Variants in TDG observed in about 807,000 individuals in gnomAD.
TDG encodes the protein G/T mismatch-specific thymine DNA glycosylase.
TDG carries 23 observed loss-of-function variants against 46.1 expected under a neutral mutation model. That is an observed-to-expected ratio of 0.50 (90% CI 0.36 to 0.71). The LOEUF is 0.71. TDG is among the 30% of genes least tolerant of loss of function. TDG has a pLI of 0.00. For synonymous variants in TDG, 115 were observed against 161.3 expected (o/e 0.71, Z 2.18); for missense variants, 304 against 486.7 (o/e 0.62, Z 3.53).
chr12:103,978,246 G>T lies in TDG; in HGVS notation c.166+1186G>T, dbSNP rs117833350. 5.3e-4 allele frequency among the ~76,000 whole-genome samples: 81 copies of T among 152,116 alleles called. No homozygotes were observed. The South Asian group carries it at 1.0e-2, about 19-fold the overall frequency. ...ATGGCTAATGGGTTTCATGTGTTTG[G>T]GGGGAGCATGGCAGGATAGTGGGGG... On this transcript the variant is annotated intron_variant, in intron 2 of 9. Transcript: ENST00000392872.
intron 1 of TDG, among the ~76,000 whole-genome samples, chr12:103,975,394 A>G (rs1000610279): frequency 6.6e-6 from 1 of 152,186 alleles, no homozygotes; most frequent in African/African-American, 2.4e-5. Flanking sequence ...TCAGAATGCC[A>G]TAGACTGGGC....
At chr12:103,985,202 C>CACAT (rs1566184404) in intron 8 of TDG, among the ~76,000 whole-genome samples, 2 of 136,142 alleles carry the variant, frequency 1.5e-5, no homozygotes, top group Non-Finnish European at 3.3e-5. Flanking sequence ...CACACACACA[C>CACAT]ACACACATTA....
chr12:103,979,251 C>T (rs181878636), intron 2 of TDG, among the ~76,000 whole-genome samples: 140 of 151,850 alleles, frequency 9.2e-4, no homozygotes, highest in African/African-American at 3.4e-3. Flanking sequence ...TACAGGTGCA[C>T]GACACCATGC....
At chr12:103,968,406 GT>G (rs1871154876) in intron 1 of TDG, among the ~76,000 whole-genome samples, 1 of 152,180 alleles carries the variant, frequency 6.6e-6, no homozygotes, top group Admixed American at 6.5e-5. Flanking sequence ...GACTGTTTTG[GT>G]TAGATGTTGA....
chr12:103,972,866 ACCT>A, intron 1 of TDG: 1 of 473,490 alleles, frequency 2.1e-6, no homozygotes, highest in South Asian at 3.9e-5. Flanking sequence ...ATGATTAATG[ACCT>A]CCGACTATAC....
At chr12:103,973,074 C>CA (rs1871353878) in intron 1 of TDG, 1 of 645,066 alleles carries the variant, frequency 1.6e-6, no homozygotes, top group South Asian at 1.6e-5. Context: ...AGAGTAAAAA[C>CA]ACGTTTCATA....
At position 103,970,631 on chromosome 12, in the gene TDG, T is replaced by G. The variant is rs550540707; in HGVS notation, c.23+4571T>G. On this transcript the variant is annotated intron_variant, in intron 1 of 9. Coordinates refer to ENST00000392872, the MANE Select transcript of TDG (RefSeq NM_003211.6). Reference sequence around the variant, plus strand: ...GCATGGTGGTGTGTGCCTGTAGTCCTAGCTACTCAGGAGGCTGAGGCAGGA... The same window carrying G: ...GCATGGTGGTGTGTGCCTGTAGTCCGAGCTACTCAGGAGGCTGAGGCAGGA... 3.3e-5 allele frequency among the ~76,000 whole-genome samples: 5 copies of G among 151,582 alleles called. No individual in the cohort carries two copies. The South Asian group carries it at 1.0e-3, about 32-fold the overall frequency.
intron 1 of TDG, among the ~76,000 whole-genome samples, chr12:103,967,425 G>A (rs1412184110): frequency 1.3e-5 from 2 of 149,144 alleles, no homozygotes; most frequent in Non-Finnish European, 3.0e-5. Context: ...ATCAAGAAAT[G>A]TAATGTGGGA....
rs1303057686 is a variant in TDG, at chr12:103,988,348, C to T, written c.*1258C>T. The T allele has an allele frequency of 6.5e-6, 1 of 152,698 alleles. No homozygotes were observed. Among genetic ancestry groups the T allele is most frequent in the Non-Finnish European group, 1.5e-5 (1 of 68,038 alleles). The allele number at this position is 152,698 out of a possible 1,614,324, so 9.5% of individuals were successfully genotyped here. Reference sequence around the variant, plus strand: ...CCCAGGAGGTTATATGATTGCTCTTCTCTTTATAATAAGAGAAACAAATTC... The same window carrying T: ...CCCAGGAGGTTATATGATTGCTCTTTTCTTTATAATAAGAGAAACAAATTC... On this transcript the variant is annotated 3_prime_UTR_variant, in exon 10 of 10. Coordinates refer to ENST00000392872, the MANE Select transcript of TDG (RefSeq NM_003211.6).
intron 1 of TDG, among the ~76,000 whole-genome samples, chr12:103,973,656 A>G (rs1442979892): frequency 6.6e-6 from 1 of 152,198 alleles, no homozygotes; most frequent in Non-Finnish European, 1.5e-5. Flanking sequence ...GCTACTAATA[A>G]TATTAAATAA....
chr12:103,978,150 G>T (rs544266470), intron 2 of TDG, among the ~76,000 whole-genome samples: 2 of 152,156 alleles, frequency 1.3e-5, no homozygotes, highest in Non-Finnish European at 2.9e-5. Flanking sequence ...ATAATCTAGG[G>T]GAGCACTGAG....
intron 7 of TDG, among the ~76,000 whole-genome samples, chr12:103,984,001 A>G (rs1308988888): frequency 6.6e-6 from 1 of 152,214 alleles, no homozygotes; most frequent in African/African-American, 2.4e-5. Context: ...AGAACAACAC[A>G]GTGCACAGAT....
At chr12:103,982,548 C>T (rs1327844117) in intron 4 of TDG, among the ~76,000 whole-genome samples, 1 of 152,152 alleles carries the variant, frequency 6.6e-6, no homozygotes. Flanking sequence ...GGGAAGATCA[C>T]TTGAGCCCAG....
intron 2 of TDG, among the ~76,000 whole-genome samples, chr12:103,977,999 C>A (rs996219378): frequency 1.3e-5 from 2 of 152,076 alleles, no homozygotes; most frequent in African/African-American, 4.8e-5. Context: ...GGCTGAGAGG[C>A]TGCAGTGAGC....
intron 1 of TDG, chr12:103,973,173 C>T: frequency 1.6e-6 from 1 of 623,116 alleles, no homozygotes; most frequent in Non-Finnish European, 2.9e-6. Flanking sequence ...CAACCTCCAC[C>T]TCCTGGGTTC....
At chr12:103,983,861 A>G (rs1375113820) in intron 7 of TDG, among the ~76,000 whole-genome samples, 2 of 152,236 alleles carry the variant, frequency 1.3e-5, no homozygotes, top group South Asian at 2.1e-4. Context: ...CTGGCATTCA[A>G]TACTGTTGTC....
At chr12:103,986,786 A>G (rs1269439277) in intron 9 of TDG, 162 bp from the exon 10 acceptor site, 1 of 643,548 alleles carries the variant, frequency 1.6e-6, no homozygotes, top group Non-Finnish European at 2.6e-6. Flanking sequence ...TTGAGAGGCT[A>G]GGATGGGAGG....
chr12:103,982,762 C>T (rs748651597), intron 4 of TDG, 37 bp from the exon 5 acceptor site: 3 of 1,605,902 alleles, frequency 1.9e-6, no homozygotes, highest in Non-Finnish European at 2.6e-6. Flanking sequence ...GAGACCCTGT[C>T]TAAAAAAAAA....
intron 5 of TDG, 74 bp downstream of exon 5, chr12:103,983,008 A>T (rs534599879): frequency 1.3e-6 from 2 of 1,592,818 alleles, no homozygotes; most frequent in Non-Finnish European, 1.7e-6. Context: ...TAGGAACATC[A>T]TATGTATCTA....
Sources: allele counts gnomAD v4.1 joint callset (sites outside exome capture counted in the v4.1 genomes callset), GRCh38; gene constraint gnomAD v4.1.1; transcripts MANE v1.5; gene names NCBI Gene and HGNC (gene_info 2026-07-23, HGNC 2026-07-21).